RBMS3: variants seen among roughly 807,000 people sequenced by gnomAD.
RBMS3 encodes the protein RNA binding motif single stranded interacting protein 3, also known as RNA-binding motif, single-stranded-interacting protein 3.
A neutral mutation model predicts 66.8 loss-of-function variants in RBMS3; 27 were observed. The ratio of observed to expected loss-of-function variants is 0.40; its 90% confidence interval spans 0.30 to 0.56. RBMS3 has a LOEUF of 0.56. RBMS3 is among the 20% of genes least tolerant of loss of function. The probability of loss-of-function intolerance (pLI) is 0.40; values close to 1 mark genes in which losing one functional copy is unlikely to be tolerated. For synonymous variants in RBMS3, 188 were observed against 183.0 expected, an observed-to-expected ratio of 1.03 and a Z score of -0.22; for missense variants, 513 against 549.5, an observed-to-expected ratio of 0.93 and a Z score of 0.66.
chr3:29,384,048 G>A (rs549269409), intron 1 of RBMS3, among the ~76,000 whole-genome samples: 5 of 152,198 alleles, frequency 3.3e-5, no homozygotes, highest in South Asian at 4.1e-4. Context: ...GGGCACAGTG[G>A]CTCATGCCTG....
Position 29,910,753 on chromosome 3 carries a change from A to G in RBMS3, c.939+10998A>G, listed in dbSNP as rs573416806. Among the ~76,000 whole-genome samples the G allele has an allele frequency of 4.1e-5, 6 of 146,144 alleles. No individual in the cohort carries two copies. In the South Asian group the frequency reaches 1.1e-3, roughly 27 times the overall value. ...GGAGAGAAAGGGAAAAACTATACAT[A>G]TACATATATATGTATACGTATATGT... On this transcript the variant is annotated intron_variant, in intron 10 of 14. Coordinates refer to ENST00000383767, the MANE Select transcript of RBMS3 (RefSeq NM_001003793.3).
intron 4 of RBMS3, among the ~76,000 whole-genome samples, chr3:29,592,425 C>T (rs1304614998): frequency 1.3e-5 from 2 of 152,066 alleles, no homozygotes; most frequent in African/African-American, 4.8e-5. Context: ...TATCACTGGC[C>T]ATCAGAGAAA....
intron 4 of RBMS3, among the ~76,000 whole-genome samples, chr3:29,730,562 G>C (rs1438215240): frequency 3.3e-5 from 5 of 152,116 alleles, no homozygotes; most frequent in African/African-American, 1.2e-4. Flanking sequence ...TAAACCTATG[G>C]CTGTCTTCAT....
intron 6 of RBMS3, among the ~76,000 whole-genome samples, chr3:29,775,116 G>A (rs1428102131): frequency 2.6e-5 from 4 of 151,700 alleles, no homozygotes; most frequent in Admixed American, 1.3e-4. Flanking sequence ...CAAGATAAAG[G>A]CGAAGTTTAA....
intron 1 of RBMS3, among the ~76,000 whole-genome samples, chr3:29,368,779 C>T (rs1355549994): frequency 6.6e-6 from 1 of 151,950 alleles, no homozygotes; most frequent in Non-Finnish European, 1.5e-5. Context: ...CCTCAAATAC[C>T]TGAAAAGAGA....
At chr3:29,673,760 T>A (rs1026257108) in intron 4 of RBMS3, among the ~76,000 whole-genome samples, 12 of 152,166 alleles carry the variant, frequency 7.9e-5, no homozygotes, top group Non-Finnish European at 1.6e-4. Flanking sequence ...AGGCAATAGT[T>A]AATAGCCTAC....
At chr3:29,688,903 T>A (rs953278624) in intron 4 of RBMS3, among the ~76,000 whole-genome samples, 6 of 152,076 alleles carry the variant, frequency 3.9e-5, no homozygotes, top group Non-Finnish European at 5.9e-5. Flanking sequence ...TGCTAAAGAC[T>A]GATGGAGAGA....
At chr3:29,969,441 CAT>C (rs1002272817) in intron 12 of RBMS3, among the ~76,000 whole-genome samples, 3 of 152,316 alleles carry the variant, frequency 2.0e-5, no homozygotes, top group African/African-American at 7.2e-5. Context: ...GATATCACTA[CAT>C]GTTTTTTTCT....
At chr3:29,585,154 T>C (rs935818579) in intron 3 of RBMS3, among the ~76,000 whole-genome samples, 3 of 152,260 alleles carry the variant, frequency 2.0e-5, no homozygotes, top group East Asian at 1.9e-4. Context: ...AACTTTATTA[T>C]TGAATGAATA....
chr3:29,729,879 T>A (rs2054055708), intron 4 of RBMS3, among the ~76,000 whole-genome samples: 1 of 151,912 alleles, frequency 6.6e-6, no homozygotes, highest in Admixed American at 6.6e-5. Flanking sequence ...AAAAGAACAA[T>A]AAGAATTATA....
chr3:29,370,292 C>T (rs1272135723), intron 1 of RBMS3, among the ~76,000 whole-genome samples: 1 of 152,142 alleles, frequency 6.6e-6, no homozygotes, highest in Non-Finnish European at 1.5e-5. Context: ...GTCATAATAT[C>T]TTGCAGCTCA....
intron 3 of RBMS3, among the ~76,000 whole-genome samples, chr3:29,564,889 A>G (rs934086047): frequency 1.3e-5 from 2 of 152,182 alleles, no homozygotes; most frequent in Non-Finnish European, 2.9e-5. Context: ...TCCAAGAAAA[A>G]AAAAAGAATA....
At chr3:29,288,098 A>G (rs1434942381) in intron 1 of RBMS3, among the ~76,000 whole-genome samples, 1 of 152,080 alleles carries the variant, frequency 6.6e-6, no homozygotes, top group Non-Finnish European at 1.5e-5. Context: ...TAAAAGAAAG[A>G]TAATAGATCC....
chr3:29,341,165 A>T (rs550304348), intron 1 of RBMS3, among the ~76,000 whole-genome samples: 32 of 152,136 alleles, frequency 2.1e-4, no homozygotes, highest in Non-Finnish European at 4.1e-4. Flanking sequence ...ATATACATAA[A>T]ATGCTGTTAT....
chr3:29,514,744 G>A (rs1305652227), intron 3 of RBMS3, among the ~76,000 whole-genome samples: 1 of 141,536 alleles, frequency 7.1e-6, no homozygotes, highest in Admixed American at 7.2e-5. Flanking sequence ...ATATATGATA[G>A]GCATATATAT....
At position 29,986,735 on chromosome 3, in the gene RBMS3, G is replaced by T. The variant is rs1446527472; in HGVS notation, c.1099-1408G>T. Among the ~76,000 whole-genome samples, 3 of 152,286 alleles carry T rather than the reference G, an allele frequency of 2.0e-5. No individual in the cohort carries two copies. The South Asian group carries it at 6.2e-4, about 32-fold the overall frequency. On this transcript the variant is annotated intron_variant, in intron 12 of 14. Transcript: ENST00000383767. The stretch of plus-strand genomic sequence containing the variant: ...AGGCAGGTGGATCACTTGAGGCCAA[G>T]AGTTCAGGACCAGCTTGGCCAATAT...
chr3:29,738,661 T>C (rs1303942425), intron 4 of RBMS3, among the ~76,000 whole-genome samples: 1 of 152,210 alleles, frequency 6.6e-6, no homozygotes, highest in South Asian at 2.1e-4. Context: ...TAAGCTGTCA[T>C]CAGGATCACC....
At chr3:29,371,560 T>C (rs1575641716) in intron 1 of RBMS3, among the ~76,000 whole-genome samples, 1 of 152,248 alleles carries the variant, frequency 6.6e-6, no homozygotes, top group Non-Finnish European at 1.5e-5. Flanking sequence ...AACATGATAG[T>C]GATAGTGTTT....
chr3:29,300,200 A>C (rs1441475254), intron 1 of RBMS3, among the ~76,000 whole-genome samples: 1 of 151,994 alleles, frequency 6.6e-6, no homozygotes, highest in Non-Finnish European at 1.5e-5. Flanking sequence ...ACTTTCACTC[A>C]TTGTTCATCC....
Sources: allele counts gnomAD v4.1 joint callset (sites outside exome capture counted in the v4.1 genomes callset), GRCh38; gene constraint gnomAD v4.1.1; transcripts MANE v1.5; gene names NCBI Gene and HGNC (gene_info 2026-07-23, HGNC 2026-07-21).